The following GUCY1A2 variants were observed in gnomAD, a reference collection of about 807,000 sequenced individuals.
The protein encoded by GUCY1A2 is guanylate cyclase 1 soluble subunit alpha 2, also known as guanylate cyclase soluble subunit alpha-2.
Under a neutral mutation model 63.5 loss-of-function variants are expected in GUCY1A2, and 27 were observed. That is an observed-to-expected ratio of 0.43 (90% CI 0.31 to 0.59). The LOEUF is 0.59. Ranked by LOEUF, GUCY1A2 falls within the 20% of genes least tolerant of loss-of-function variation. The pLI, the probability that GUCY1A2 is intolerant of heterozygous loss-of-function variation, is 0.11. For synonymous variants in GUCY1A2, 364 were observed against 343.5 expected (o/e 1.06, Z -0.66); for missense variants, 768 against 913.3 (o/e 0.84, Z 2.05).
intron 3 of GUCY1A2, among the ~76,000 whole-genome samples, chr11:106,972,852 G>C (rs1861213509): frequency 6.6e-6 from 1 of 152,066 alleles, no homozygotes. Flanking sequence ...AGCTCTCTGT[G>C]AAAGACATGG....
At chr11:106,777,562 C>T (rs2135403256) in intron 5 of GUCY1A2, among the ~76,000 whole-genome samples, 1 of 151,564 alleles carries the variant, frequency 6.6e-6, no homozygotes, top group East Asian at 1.9e-4. Flanking sequence ...CCATTGTTCT[C>T]AGCAAACTAA....
At chr11:106,934,011 A>G (rs907238681) in intron 4 of GUCY1A2, among the ~76,000 whole-genome samples, 1 of 152,174 alleles carries the variant, frequency 6.6e-6, no homozygotes, top group African/African-American at 2.4e-5. Context: ...GACCTGGGTG[A>G]GGGGATCAGT....
chr11:106,774,487 A>T (rs1490390481), intron 6 of GUCY1A2, among the ~76,000 whole-genome samples: 1 of 152,190 alleles, frequency 6.6e-6, no homozygotes, highest in African/African-American at 2.4e-5. Flanking sequence ...AGTCTCGTTA[A>T]GATGGGTTTA....
chr11:106,895,973 C>T (rs1037797000), intron 4 of GUCY1A2, among the ~76,000 whole-genome samples: 3 of 150,130 alleles, frequency 2.0e-5, no homozygotes, highest in Non-Finnish European at 3.0e-5. Flanking sequence ...AAGATCGTGC[C>T]ACTCCAGCCT....
intron 1 of GUCY1A2, among the ~76,000 whole-genome samples, chr11:107,005,944 T>C (rs928039823): frequency 6.6e-6 from 1 of 152,190 alleles, no homozygotes; most frequent in Non-Finnish European, 1.5e-5. Flanking sequence ...CTAGAGGTAA[T>C]TGAAAGTATC....
intron 1 of GUCY1A2, among the ~76,000 whole-genome samples, chr11:107,004,031 T>G (rs1398106188): frequency 1.3e-5 from 2 of 152,120 alleles, no homozygotes; most frequent in Non-Finnish European, 2.9e-5. Flanking sequence ...TGATTAATCA[T>G]GGGAATGGGG....
intron 4 of GUCY1A2, among the ~76,000 whole-genome samples, chr11:106,909,418 A>G (rs1470886488): frequency 2.1e-5 from 2 of 97,250 alleles, no homozygotes; most frequent in Admixed American, 1.1e-4. Flanking sequence ...CAACTTTTTC[A>G]TATGTGTAGG....
chr11:107,006,004 C>T (rs1175784615), intron 1 of GUCY1A2, among the ~76,000 whole-genome samples: 1 of 152,154 alleles, frequency 6.6e-6, no homozygotes, highest in Non-Finnish European at 1.5e-5. Context: ...ATCTATTGAT[C>T]GTATGCTATA....
chr11:106,802,885 C>T (rs1000984747), intron 5 of GUCY1A2, among the ~76,000 whole-genome samples: 1 of 152,086 alleles, frequency 6.6e-6, no homozygotes, highest in Non-Finnish European at 1.5e-5. Flanking sequence ...AGTAGGGCTT[C>T]AACTATGAAT....
At chr11:106,872,566 T>C (rs1565316310) in intron 4 of GUCY1A2, among the ~76,000 whole-genome samples, 1 of 152,196 alleles carries the variant, frequency 6.6e-6, no homozygotes, top group Non-Finnish European at 1.5e-5. Flanking sequence ...TTTATACTAA[T>C]TTTAATTTAA....
chr11:106,695,669 A>G (rs17105958), intron 7 of GUCY1A2, among the ~76,000 whole-genome samples: 3,880 of 152,192 alleles, frequency 0.025, 162 homozygotes, highest in African/African-American at 0.088. Context: ...GTCCAATGGA[A>G]CTGTTGTTAT....
At position 106,722,794 on chromosome 11, in the gene GUCY1A2, G is replaced by A. The variant is rs578260634; in HGVS notation, c.1837-14128C>T. 4.1e-4 allele frequency among the ~76,000 whole-genome samples: 61 copies of A among 149,228 alleles called. 1 individual carries two copies. In the East Asian group the frequency reaches 9.1e-3, roughly 22 times the overall value. On this transcript the variant is annotated intron_variant, in intron 6 of 7. Transcript: ENST00000526355. The stretch of plus-strand genomic sequence containing the variant: ...CATCAAAGACCAGTTCTGTGTGTGT[G>A]TGTGTGTGTGTGTGTGTGTGTGTGT...
At chr11:107,000,613 C>T (rs1861601425) in intron 1 of GUCY1A2, among the ~76,000 whole-genome samples, 1 of 152,180 alleles carries the variant, frequency 6.6e-6, no homozygotes, top group South Asian at 2.1e-4. Context: ...TCATCTCTCT[C>T]CCTCTCTCCT....
At chr11:106,749,976 T>G (rs1461320847) in intron 6 of GUCY1A2, among the ~76,000 whole-genome samples, 4 of 152,184 alleles carry the variant, frequency 2.6e-5, no homozygotes, top group African/African-American at 9.6e-5. Context: ...TTAGGGAGAA[T>G]TGGATCACAT....
At chr11:106,784,488 A>G (rs1441940167) in intron 5 of GUCY1A2, among the ~76,000 whole-genome samples, 1 of 152,076 alleles carries the variant, frequency 6.6e-6, no homozygotes, top group Admixed American at 6.6e-5. Context: ...CTGGGACCAG[A>G]ACAAGAGATA....
At chr11:106,993,044 C>T (rs1861491216) in intron 1 of GUCY1A2, among the ~76,000 whole-genome samples, 1 of 152,198 alleles carries the variant, frequency 6.6e-6, no homozygotes, top group African/African-American at 2.4e-5. Flanking sequence ...ATCCTAACTC[C>T]ATTCCCTCAA....
intron 4 of GUCY1A2, among the ~76,000 whole-genome samples, chr11:106,891,748 A>G (rs1002425376): frequency 1.3e-5 from 2 of 152,060 alleles, no homozygotes; most frequent in African/African-American, 4.8e-5. Context: ...CGAACTTTCT[A>G]TTCTGTTCCA....
At chr11:106,916,848 A>G (rs1860376419) in intron 4 of GUCY1A2, among the ~76,000 whole-genome samples, 1 of 145,786 alleles carries the variant, frequency 6.9e-6, no homozygotes, top group Admixed American at 6.8e-5. Context: ...AAACACTTGC[A>G]GAAATAAAAC....
rs547811354 is a variant in GUCY1A2, at chr11:106,826,312, A to G, written c.1207-15834T>C. 21 of 1,108,494 alleles carry G rather than the reference A, an allele frequency of 1.9e-5. No homozygotes were observed. In the South Asian group the frequency reaches 3.0e-4, roughly 16 times the overall value. 68.7% of individuals were successfully genotyped at this position (1,108,494 alleles called of 1,614,324 possible). On this transcript the variant is annotated intron_variant, in intron 4 of 7. Transcript: ENST00000526355. The stretch of plus-strand genomic sequence containing the variant: ...TTTCAGTGTGGTCATCATTAACTCA[A>G]TACAGTCATTCATTTTATTGACTTG...
Sources: allele counts gnomAD v4.1 joint callset (sites outside exome capture counted in the v4.1 genomes callset), GRCh38; gene constraint gnomAD v4.1.1; transcripts MANE v1.5; gene names NCBI Gene and HGNC (gene_info 2026-07-23, HGNC 2026-07-21).